The following ITGBL1 variants were observed in gnomAD, a reference collection of about 807,000 sequenced individuals.
ITGBL1 encodes integrin beta-like protein 1.
ITGBL1 carries 51 observed loss-of-function variants against 68.5 expected under a neutral mutation model. The observed-to-expected ratio is 0.74, with a 90% CI of 0.59 to 0.94. The LOEUF (loss-of-function observed/expected upper bound fraction) is 0.94, where lower values mean the gene tolerates loss of function less well. Ranked by LOEUF, ITGBL1 falls within the 40% of genes least tolerant of loss-of-function variation. The pLI is 0.00. For synonymous variants in ITGBL1, 209 were observed against 227.3 expected (o/e 0.92, Z 0.72); for missense variants, 649 against 647.4 (o/e 1.00, Z -0.03).
intron 7 of ITGBL1, among the ~76,000 whole-genome samples, chr13:101,613,145 ATGT>A (rs1353242821): frequency 1.3e-5 from 2 of 152,198 alleles, no homozygotes; most frequent in African/African-American, 4.8e-5. Context: ...TTACTCTGAA[ATGT>A]TGTTGTGAGA....
chr13:101,689,883 ATT>A (rs2033845809), intron 7 of ITGBL1, among the ~76,000 whole-genome samples: 1 of 152,174 alleles, frequency 6.6e-6, no homozygotes, highest in South Asian at 2.1e-4. Flanking sequence ...TTTTTCACTT[ATT>A]TTAAAATATA....
At chr13:101,704,960 G>A (rs1018692008) in intron 8 of ITGBL1, among the ~76,000 whole-genome samples, 2 of 152,084 alleles carry the variant, frequency 1.3e-5, no homozygotes, top group African/African-American at 4.8e-5. Context: ...TAACCTGTGT[G>A]ACAAGAACAG....
chr13:101,471,534 G>GTA (rs746356673), intron 2 of ITGBL1, among the ~76,000 whole-genome samples: 1,508 of 27,974 alleles, frequency 0.054, 14 homozygotes, highest in Admixed American at 0.082. Context: ...GTGTATGTAT[G>GTA]TGTGTGTGTG....
intron 2 of ITGBL1, among the ~76,000 whole-genome samples, chr13:101,467,563 A>G (rs1440814985): frequency 6.6e-6 from 1 of 152,226 alleles, no homozygotes; most frequent in Admixed American, 6.5e-5. Context: ...GGCAAATAAG[A>G]AACTATATTT....
At chr13:101,631,546 A>G (rs1202980819) in intron 7 of ITGBL1, among the ~76,000 whole-genome samples, 2 of 152,182 alleles carry the variant, frequency 1.3e-5, no homozygotes, top group African/African-American at 2.4e-5. Flanking sequence ...CTGTCCTACT[A>G]CCATAGATGA....
At chr13:101,705,876 A>T (rs1307293027) in intron 8 of ITGBL1, among the ~76,000 whole-genome samples, 2 of 112,800 alleles carry the variant, frequency 1.8e-5, no homozygotes, top group African/African-American at 5.9e-5. Context: ...CCCCTAGTGC[A>T]TAGCAAAATG....
intron 7 of ITGBL1, among the ~76,000 whole-genome samples, chr13:101,668,295 G>T (rs919934991): frequency 2.0e-5 from 3 of 152,180 alleles, no homozygotes; most frequent in African/African-American, 7.2e-5. Context: ...GGCTGTGTCA[G>T]GAGAATCACT....
At chr13:101,674,617 T>C (rs961981847) in intron 7 of ITGBL1, among the ~76,000 whole-genome samples, 2 of 152,032 alleles carry the variant, frequency 1.3e-5, no homozygotes, top group African/African-American at 4.8e-5. Flanking sequence ...TTTTTTTCTG[T>C]CAAAGGTACT....
intron 7 of ITGBL1, among the ~76,000 whole-genome samples, chr13:101,605,902 G>A (rs1179931616): frequency 6.9e-6 from 1 of 144,060 alleles, no homozygotes; most frequent in African/African-American, 2.5e-5. Context: ...ATGCGTGCAT[G>A]TGTATATGTA....
chr13:101,601,053 G>A (rs959888605), intron 7 of ITGBL1, among the ~76,000 whole-genome samples: 1 of 152,188 alleles, frequency 6.6e-6, no homozygotes, highest in Admixed American at 6.5e-5. Flanking sequence ...ATTCGGCTGT[G>A]AATCCATCTA....
chr13:101,693,052 C>G (rs1314004167), intron 8 of ITGBL1: 2 of 182,552 alleles, frequency 1.1e-5, no homozygotes, highest in African/African-American at 4.8e-5. Context: ...ATAATATCAC[C>G]CACAAACTTG....
chr13:101,511,160 G>T (rs768191196), intron 2 of ITGBL1, among the ~76,000 whole-genome samples: 13 of 151,698 alleles, frequency 8.6e-5, no homozygotes, highest in Non-Finnish European at 1.3e-4. Flanking sequence ...CTAATTTATT[G>T]TTTTCTTTCT....
intron 2 of ITGBL1, among the ~76,000 whole-genome samples, chr13:101,504,489 C>T (rs1202219516): frequency 2.0e-5 from 3 of 152,154 alleles, no homozygotes; most frequent in African/African-American, 7.2e-5. Context: ...AGCAAATGTT[C>T]TGTACATTTC....
chr13:101,548,987 A>G (rs2049875126), intron 2 of ITGBL1, among the ~76,000 whole-genome samples: 1 of 151,944 alleles, frequency 6.6e-6, no homozygotes, highest in Non-Finnish European at 1.5e-5. Context: ...TATTTTTTAA[A>G]AATACATTAT....
At chr13:101,692,778 G>C in intron 8 of ITGBL1, 77 bp downstream of exon 8, 1 of 892,556 alleles carries the variant, frequency 1.1e-6, no homozygotes, top group Non-Finnish European at 1.9e-6. Flanking sequence ...ACTGACTCTT[G>C]CTTTTTCAAT....
At chr13:101,625,071 T>G (rs1790056024) in intron 7 of ITGBL1, among the ~76,000 whole-genome samples, 1 of 152,196 alleles carries the variant, frequency 6.6e-6, no homozygotes, top group African/African-American at 2.4e-5. Flanking sequence ...ATATTTATTT[T>G]TTAAAGCAAG....
At chr13:101,644,275 A>G (rs574160391) in intron 7 of ITGBL1, among the ~76,000 whole-genome samples, 29 of 152,254 alleles carry the variant, frequency 1.9e-4, no homozygotes, top group African/African-American at 6.5e-4. Context: ...AGAATATAAA[A>G]CAGTGGAGTT....
intron 2 of ITGBL1, among the ~76,000 whole-genome samples, chr13:101,456,461 T>A (rs1468447862): frequency 6.6e-6 from 1 of 152,244 alleles, no homozygotes; most frequent in African/African-American, 2.4e-5. Flanking sequence ...AATATGGAAA[T>A]ATAGCAGGTT....
chr13:101,589,359 A>G lies in ITGBL1; in HGVS notation c.868+6003A>G, dbSNP rs1383603011. On this transcript the variant is annotated intron_variant, in intron 6 of 10. Coordinates refer to ENST00000376180, the MANE Select transcript of ITGBL1 (RefSeq NM_004791.3). The stretch of plus-strand genomic sequence containing the variant: ...ACCAGTTCTACTCTCCCCAGACAAT[A>G]AAACCATCAAACACTTTCTGTGCCA... 2.0e-5 allele frequency among the ~76,000 whole-genome samples: 3 copies of G among 152,224 alleles called. No homozygotes were observed. In the East Asian group the frequency reaches 5.8e-4, roughly 29 times the overall value.
Sources: allele counts gnomAD v4.1 joint callset (sites outside exome capture counted in the v4.1 genomes callset), GRCh38; gene constraint gnomAD v4.1.1; transcripts MANE v1.5; gene names NCBI Gene and HGNC (gene_info 2026-07-23, HGNC 2026-07-21).